Variants in MPDZ observed in about 807,000 individuals in gnomAD.
MPDZ encodes the protein multiple PDZ domain crumbs cell polarity complex component.
Under a neutral mutation model 239.1 loss-of-function variants are expected in MPDZ, and 234 were observed. The observed-to-expected ratio is 0.98, with a 90% CI of 0.88 to 1.09. The LOEUF (loss-of-function observed/expected upper bound fraction) is 1.09. MPDZ is among the 50% of genes least tolerant of loss of function. The pLI is 0.00. For missense variants in MPDZ, 3,175 were observed against 2,510.0 expected, an observed-to-expected ratio of 1.26 and a Z score of -5.66; for synonymous variants, 1,048 against 881.3, an observed-to-expected ratio of 1.19 and a Z score of -3.35.
At chr9:13,217,983 A>C (rs1958577983) in intron 8 of MPDZ, among the ~76,000 whole-genome samples, 1 of 151,824 alleles carries the variant, frequency 6.6e-6, no homozygotes, top group South Asian at 2.1e-4. Context: ...GATTGGTACA[A>C]TATATCATCA....
intron 20 of MPDZ, 53 bp from the exon 21 acceptor site, chr9:13,175,928 T>C: frequency 1.3e-6 from 2 of 1,538,998 alleles, no homozygotes; most frequent in Non-Finnish European, 1.7e-6. Flanking sequence ...AACTAGACTT[T>C]GGAGCGTGAT....
At chr9:13,227,922 A>G (rs927439460) in intron 3 of MPDZ, among the ~76,000 whole-genome samples, 72 of 152,272 alleles carry the variant, frequency 4.7e-4, no homozygotes, top group African/African-American at 1.7e-3. Flanking sequence ...ACTCATAAGA[A>G]AAAGCAGAAA....
Position 13,249,397 on chromosome 9 carries a change from C to T in MPDZ, c.16+903G>A, listed in dbSNP as rs187151691. Among the ~76,000 whole-genome samples the T allele has an allele frequency of 4.6e-5, 7 of 152,194 alleles. No individual in the cohort carries two copies. The East Asian group carries it at 1.4e-3, about 29-fold the overall frequency. On this transcript the variant is annotated intron_variant, in intron 2 of 46. Transcript: ENST00000319217. ...GAACTTTCCTATGTGGACTAGTAGT[C>T]TTTACAGCATGTGGGTTTAGTATAA...
chr9:13,159,911 G>T (rs1950264084), intron 23 of MPDZ, among the ~76,000 whole-genome samples: 1 of 152,138 alleles, frequency 6.6e-6, no homozygotes, highest in Admixed American at 6.6e-5. Context: ...AGCCAAGAAA[G>T]AAGTCAATCA....
intron 24 of MPDZ, among the ~76,000 whole-genome samples, chr9:13,156,338 C>A (rs1315724887): frequency 6.6e-6 from 1 of 152,122 alleles, no homozygotes; most frequent in Non-Finnish European, 1.5e-5. Flanking sequence ...CTTTTTCATG[C>A]TGCTGATAAA....
At position 13,218,274 on chromosome 9, in the gene MPDZ, G is replaced by A. The variant is rs190222183; in HGVS notation, c.1087-980C>T. On this transcript the variant is annotated intron_variant, in intron 8 of 46. Transcript: ENST00000319217. ...ACAAGAAAATGACAGGATGAAATCT[G>A]CTTCAATTGAAACAAATGTGTTTTC... Among the ~76,000 whole-genome samples the A allele has an allele frequency of 4.6e-5, 7 of 151,884 alleles. No individual in the cohort carries two copies. In the East Asian group the frequency reaches 1.4e-3, roughly 29 times the overall value.
rs905409292 is a variant in MPDZ at position 13,216,700 on chromosome 9, A to C, written c.1290+74T>G. On this transcript the variant is annotated intron_variant, in intron 10 of 46. Coordinates refer to ENST00000319217, the MANE Select transcript of MPDZ (RefSeq NM_001378778.1). ...AGTACAGAGTTAACTCTAGCTCTCA[A>C]AACTAAGTAAACTAGGAGAATACAA... The C allele has an allele frequency of 3.4e-6, 4 of 1,178,658 alleles. No homozygotes were observed. The African/African-American group carries it at 6.1e-5, about 18-fold the overall frequency. 73.0% of individuals were successfully genotyped at this position (1,178,658 alleles called of 1,614,324 possible).
At chr9:13,175,963 T>C in intron 20 of MPDZ, 88 bp from the exon 21 acceptor site, 1 of 1,472,528 alleles carries the variant, frequency 6.8e-7, no homozygotes. Flanking sequence ...TGTTCTCTAA[T>C]TGATTGTGCT....
Position 13,125,395 on chromosome 9 carries a change from C to T in MPDZ, c.4633-5G>A, listed in dbSNP as rs1944965820. ...TGTCTTCAGAAGGCTAATAAACTGG[C>T]AGGGTGTATGTGTGGAAGAGAAACA... On this transcript the variant is annotated splice_polypyrimidine_tract_variant and splice_region_variant and intron_variant, in intron 34 of 46. Transcript: ENST00000319217. The T allele has an allele frequency of 1.2e-6, 2 of 1,612,470 alleles. No individual in the cohort carries two copies. The highest frequency in any genetic ancestry group is 2.7e-5 in the African/African-American group (2 of 74,896).
Position 13,168,284 on chromosome 9 carries a change from A to G in MPDZ, c.3254+82T>C, listed in dbSNP as rs1396379852. Reference sequence around the variant, plus strand: ...ATGTGATAACGTTTGCATCTCAAACAGAAGTGAATACTGAAAAAGAATTCT... The same window carrying G: ...ATGTGATAACGTTTGCATCTCAAACGGAAGTGAATACTGAAAAAGAATTCT... On this transcript the variant is annotated intron_variant, in intron 22 of 46. Coordinates refer to ENST00000319217, the MANE Select transcript of MPDZ (RefSeq NM_001378778.1). The G allele has an allele frequency of 1.0e-5, 13 of 1,281,118 alleles. No individual in the cohort carries two copies. The East Asian group carries it at 1.9e-4, about 19-fold the overall frequency. The allele number at this position is 1,281,118 out of a possible 1,614,324, so 79.4% of individuals were successfully genotyped here.
At chr9:13,239,594 G>C (rs1964882426) in intron 3 of MPDZ, among the ~76,000 whole-genome samples, 2 of 152,172 alleles carry the variant, frequency 1.3e-5, no homozygotes, top group South Asian at 4.1e-4. Context: ...ATTTACTTAA[G>C]TTAAAAACTA....
At chr9:13,246,034 G>C (rs1966509322) in intron 3 of MPDZ, among the ~76,000 whole-genome samples, 1 of 119,580 alleles carries the variant, frequency 8.4e-6, no homozygotes, top group African/African-American at 3.2e-5. Flanking sequence ...AAGAATAGAA[G>C]ATATCTGTTC....
intron 3 of MPDZ, among the ~76,000 whole-genome samples, chr9:13,242,053 GA>G (rs1249959072): frequency 6.6e-6 from 1 of 152,030 alleles, no homozygotes; most frequent in Non-Finnish European, 1.5e-5. Context: ...GCCTTGGGCA[GA>G]AAAACCATTA....
chr9:13,142,844 C>T lies in MPDZ; in HGVS notation c.3840+622G>A, dbSNP rs1947910010. On this transcript the variant is annotated intron_variant, in intron 27 of 46. Coordinates refer to ENST00000319217, the MANE Select transcript of MPDZ (RefSeq NM_001378778.1). The stretch of plus-strand genomic sequence containing the variant: ...AAAAAAATTGTTGATGGCTTTCTTC[C>T]TTTTCATGATCAAATTATGGTATAT... Among the ~76,000 whole-genome samples the T allele has an allele frequency of 3.9e-5, 6 of 151,992 alleles. 1 individual carries two copies. In the South Asian group the frequency reaches 1.2e-3, roughly 31 times the overall value.
chr9:13,143,436 C>T (rs758886546), intron 27 of MPDZ, 30 bp downstream of exon 27: 1 of 1,538,468 alleles, frequency 6.5e-7, no homozygotes, highest in East Asian at 2.3e-5. Flanking sequence ...CAAAAGGCAA[C>T]CAACAGCAAG....
At chr9:13,190,035 T>G (rs1283426588) in intron 16 of MPDZ, 79 bp downstream of exon 16, 61 of 1,307,508 alleles carry the variant, frequency 4.7e-5, no homozygotes, top group Non-Finnish European at 5.5e-5. Flanking sequence ...TCTTTGATGG[T>G]TATAAACTAT....
At chr9:13,164,729 T>C (rs1194161013) in intron 22 of MPDZ, among the ~76,000 whole-genome samples, 2 of 152,098 alleles carry the variant, frequency 1.3e-5, no homozygotes, top group Admixed American at 6.6e-5. Context: ...ATACTTTGCA[T>C]AGCAGTGAGA....
rs7863888 is a variant in MPDZ, at chr9:13,229,552, G to T, written c.184-4969C>A. On this transcript the variant is annotated intron_variant, in intron 3 of 46. Coordinates refer to ENST00000319217, the MANE Select transcript of MPDZ (RefSeq NM_001378778.1). The stretch of plus-strand genomic sequence containing the variant: ...AAAGATAAAAATACCTGACAACCTA[G>T]ATTTTTCATGCCACACACCACACTT... Among the ~76,000 whole-genome samples, 341 of 149,230 alleles carry T rather than the reference G, an allele frequency of 2.3e-3. 2 individuals are homozygous for T. Among genetic ancestry groups the T allele is most frequent in the African/African-American group, 8.0e-3 (326 of 40,878 alleles).
chr9:13,254,568 A>G (rs1968950096), intron 1 of MPDZ, among the ~76,000 whole-genome samples: 1 of 152,172 alleles, frequency 6.6e-6, no homozygotes, highest in Non-Finnish European at 1.5e-5. Flanking sequence ...ATAAAAATAA[A>G]AAATGGAAAA....
Sources: allele counts gnomAD v4.1 joint callset (sites outside exome capture counted in the v4.1 genomes callset), GRCh38; gene constraint gnomAD v4.1.1; transcripts MANE v1.5; gene names NCBI Gene and HGNC (gene_info 2026-07-23, HGNC 2026-07-21).